Variants in RALGAPA1 observed in about 807,000 individuals in gnomAD.
RALGAPA1 encodes the protein ral GTPase-activating protein subunit alpha-1.
In RALGAPA1, 52 loss-of-function variants were observed where a neutral mutation model predicts 269.6. The observed-to-expected ratio is 0.19, with a 90% CI of 0.15 to 0.24. RALGAPA1 has a LOEUF of 0.24. Among genes scored for constraint, RALGAPA1 ranks in the 10% least tolerant of loss-of-function variants. RALGAPA1 has a pLI of 1.00. For missense variants in RALGAPA1, 1,917 were observed against 3,013.9 expected (o/e 0.64, Z 8.52); for synonymous variants, 817 against 1,008.3 (o/e 0.81, Z 3.60).
intron 39 of RALGAPA1, among the ~76,000 whole-genome samples, chr14:35,557,098 A>ATATGTG (rs1555355515): frequency 1.4e-5 from 2 of 142,430 alleles, no homozygotes; most frequent in Non-Finnish European, 3.1e-5. Context: ...TCCAATATGT[A>ATATGTG]TGTGTGTGTG....
chr14:35,693,026 CA>C (rs1235816582), intron 17 of RALGAPA1, among the ~76,000 whole-genome samples: 2 of 151,760 alleles, frequency 1.3e-5, no homozygotes, highest in Non-Finnish European at 2.9e-5. Flanking sequence ...GTGACTTGTC[CA>C]AAATTACACA....
At chr14:35,744,215 T>C (rs2071830557) in intron 10 of RALGAPA1, among the ~76,000 whole-genome samples, 1 of 151,902 alleles carries the variant, frequency 6.6e-6, no homozygotes, top group South Asian at 2.1e-4. Flanking sequence ...CTACTAAAAA[T>C]ACAAAATTAG....
At chr14:35,589,642 A>T (rs73247079) in intron 37 of RALGAPA1, among the ~76,000 whole-genome samples, 2,762 of 152,244 alleles carry the variant, frequency 0.018, 86 homozygotes, top group African/African-American at 0.063. Flanking sequence ...TAAACTCTGC[A>T]TTGGGGTTTA....
intron 2 of RALGAPA1, 132 bp downstream of exon 2, chr14:35,775,503 G>T: frequency 9.4e-7 from 1 of 1,068,576 alleles, no homozygotes; most frequent in East Asian, 3.1e-5. Context: ...ACCTATGATA[G>T]TAGTGTGAGA....
intron 1 of RALGAPA1, among the ~76,000 whole-genome samples, chr14:35,802,735 G>A (rs1246583970): frequency 6.6e-6 from 1 of 150,578 alleles, no homozygotes; most frequent in Non-Finnish European, 1.5e-5. Context: ...AGGCTGGAGT[G>A]CAGTGGTGCA....
intron 1 of RALGAPA1, among the ~76,000 whole-genome samples, chr14:35,805,557 C>T (rs1348511183): frequency 6.6e-6 from 1 of 151,390 alleles, no homozygotes; most frequent in Non-Finnish European, 1.5e-5. Flanking sequence ...TCTAGGGTGA[C>T]AGCAGATTAG....
At chr14:35,609,749 C>G (rs575419005) in intron 35 of RALGAPA1, among the ~76,000 whole-genome samples, 1 of 151,384 alleles carries the variant, frequency 6.6e-6, no homozygotes, top group Non-Finnish European at 1.5e-5. Context: ...ACAGAGAGAC[C>G]CCATCTCTAC....
chr14:35,656,443 TC>T (rs1416754623), intron 28 of RALGAPA1, among the ~76,000 whole-genome samples: 1 of 152,182 alleles, frequency 6.6e-6, no homozygotes, highest in Admixed American at 6.5e-5. Flanking sequence ...TTTATCCTGT[TC>T]CCCAATGTAT....
chr14:35,600,839 T>C (rs972889728), intron 36 of RALGAPA1, among the ~76,000 whole-genome samples: 2 of 152,200 alleles, frequency 1.3e-5, no homozygotes, highest in African/African-American at 4.8e-5. Context: ...TTAAAATTCA[T>C]TTTGAGATTT....
intron 26 of RALGAPA1, among the ~76,000 whole-genome samples, chr14:35,668,474 T>C (rs2064137591): frequency 6.6e-6 from 1 of 151,498 alleles, no homozygotes; most frequent in African/African-American, 2.4e-5. Flanking sequence ...CAGAGACAGA[T>C]TTTGTCTCAA....
intron 16 of RALGAPA1, among the ~76,000 whole-genome samples, chr14:35,708,199 G>A (rs1342990213): frequency 6.6e-6 from 1 of 152,030 alleles, no homozygotes; most frequent in Non-Finnish European, 1.5e-5. Context: ...CAATGAAGCA[G>A]GCAAAGACTT....
At chr14:35,764,523 G>A (rs1256663585) in intron 4 of RALGAPA1, among the ~76,000 whole-genome samples, 1 of 151,572 alleles carries the variant, frequency 6.6e-6, no homozygotes, top group East Asian at 1.9e-4. Flanking sequence ...TTCTGATGCA[G>A]ATAAGTTTTA....
rs142092212 is a variant in RALGAPA1, at chr14:35,689,903, C to T, written c.2508G>A (p.Glu836=). 75 of 1,603,292 alleles carry T rather than the reference C, an allele frequency of 4.7e-5. No individual in the cohort carries two copies. The highest frequency in any genetic ancestry group is 6.0e-5 in the Non-Finnish European group (71 of 1,176,548). The part of the protein sequence containing the change: ...GNEVFGALNE[E]QPLPRSSSTS... Reference sequence around the variant, plus strand: ...TGCTGCTACTTCGAGGCAATGGCTGCTCCTCATTCAAAGCACCAAAAACTT... The same window carrying T: ...TGCTGCTACTTCGAGGCAATGGCTGTTCCTCATTCAAAGCACCAAAAACTT... The change falls in exon 18 of 42, where the codon GAG becomes GAA. Residue 836 remains glutamate (E), a synonymous_variant. Transcript: ENST00000680220.
At chr14:35,754,479 T>C (rs1229442179) in intron 7 of RALGAPA1, among the ~76,000 whole-genome samples, 1 of 152,128 alleles carries the variant, frequency 6.6e-6, no homozygotes, top group African/African-American at 2.4e-5. Flanking sequence ...CAACATACCA[T>C]TAGCTGTTAG....
At chr14:35,796,411 A>G (rs2076564520) in intron 1 of RALGAPA1, among the ~76,000 whole-genome samples, 1 of 152,196 alleles carries the variant, frequency 6.6e-6, no homozygotes, top group Admixed American at 6.5e-5. Context: ...TCTAATATTA[A>G]TATTCCCTAA....
chr14:35,753,432 ACAACT>A (rs1263456023), intron 7 of RALGAPA1, among the ~76,000 whole-genome samples: 1 of 152,202 alleles, frequency 6.6e-6, no homozygotes, highest in Non-Finnish European at 1.5e-5. Flanking sequence ...AAAAGTAGAA[ACAACT>A]CAAATACTCA....
At chr14:35,615,690 G>A (rs971207263) in intron 35 of RALGAPA1, among the ~76,000 whole-genome samples, 31 of 152,164 alleles carry the variant, frequency 2.0e-4, no homozygotes, top group African/African-American at 7.2e-4. Context: ...GCATGAGAAT[G>A]GAGGTTTGTA....
intron 31 of RALGAPA1, among the ~76,000 whole-genome samples, chr14:35,642,074 C>T (rs1027896071): frequency 6.6e-6 from 1 of 152,118 alleles, no homozygotes; most frequent in African/African-American, 2.4e-5. Context: ...TCCCTAACTC[C>T]TGCCATATAT....
At chr14:35,643,775 G>T (rs368917846) in intron 31 of RALGAPA1, among the ~76,000 whole-genome samples, 1 of 152,158 alleles carries the variant, frequency 6.6e-6, no homozygotes, top group Admixed American at 6.5e-5. Context: ...AGTGAAATAA[G>T]CCAGGCACAG....
Sources: gnomAD v4.1 joint callset for allele counts (sites outside exome capture counted in the v4.1 genomes callset) on GRCh38, gnomAD v4.1.1 for gene constraint, MANE v1.5 for transcripts, NCBI Gene and HGNC (gene_info 2026-07-23, HGNC 2026-07-21) for gene names.